Variants in AAK1 observed in about 807,000 individuals in gnomAD.
The protein encoded by AAK1 is AP2-associated protein kinase 1.
AAK1 carries 37 observed loss-of-function variants against 116.0 expected under a neutral mutation model. The ratio of observed to expected loss-of-function variants is 0.32; its 90% CI spans 0.25 to 0.42. The LOEUF (loss-of-function observed/expected upper bound fraction) is 0.42, where lower values mean the gene tolerates loss of function less well. Ranked by LOEUF, AAK1 falls within the 10% of genes least tolerant of loss-of-function variation. The pLI, the probability that AAK1 is intolerant of heterozygous loss-of-function variation, is 1.00. For synonymous variants in AAK1, 458 were observed against 439.9 expected, an observed-to-expected ratio of 1.04 and a Z score of -0.51; for missense variants, 919 against 1,170.6, an observed-to-expected ratio of 0.79 and a Z score of 3.14.
chr2:69,564,270 C>T lies in AAK1; in HGVS notation c.164-7292G>A, dbSNP rs140532224. 6.6e-5 allele frequency among the ~76,000 whole-genome samples: 10 copies of T among 152,160 alleles called. No homozygotes were observed. The East Asian group carries it at 1.9e-3, about 29-fold the overall frequency. On this transcript the variant is annotated intron_variant, in intron 2 of 21. Transcript: ENST00000409085. ...TGCTACTATTTAAACTGGGTTCCTC[C>T]AAGCCCTAGGATTACAGAAGGTACT... is the stretch of plus-strand genomic sequence containing the variant.
chr2:69,565,432 G>A (rs1309980226), intron 2 of AAK1, among the ~76,000 whole-genome samples: 1 of 152,246 alleles, frequency 6.6e-6, no homozygotes, highest in Non-Finnish European at 1.5e-5. Flanking sequence ...GAAGTCAGCA[G>A]GTCATGTACT....
intron 2 of AAK1, among the ~76,000 whole-genome samples, chr2:69,641,499 A>T (rs1466568489): frequency 1.3e-5 from 2 of 152,238 alleles, no homozygotes; most frequent in Non-Finnish European, 2.9e-5. Flanking sequence ...CAGCTAGAAC[A>T]GTACTGAGAT....
At chr2:69,573,684 T>G (rs1185837175) in intron 2 of AAK1, among the ~76,000 whole-genome samples, 1 of 152,126 alleles carries the variant, frequency 6.6e-6, no homozygotes, top group Non-Finnish European at 1.5e-5. Context: ...TAACCTGAAA[T>G]ATCCACAAAG....
At chr2:69,543,077 G>A (rs1245561483) in intron 4 of AAK1, among the ~76,000 whole-genome samples, 1 of 152,178 alleles carries the variant, frequency 6.6e-6, no homozygotes, top group Non-Finnish European at 1.5e-5. Context: ...GCAGGAAGAA[G>A]ATGGTTTTAT....
intron 2 of AAK1, among the ~76,000 whole-genome samples, chr2:69,633,035 TAA>T (rs200796880): frequency 7.3e-6 from 1 of 137,120 alleles, no homozygotes; most frequent in African/African-American, 2.8e-5. Context: ...TCCGTCTCAA[TAA>T]AAAAAATAAA....
At chr2:69,515,293 C>G (rs1023439773) in intron 12 of AAK1, among the ~76,000 whole-genome samples, 1 of 152,126 alleles carries the variant, frequency 6.6e-6, no homozygotes, top group Non-Finnish European at 1.5e-5. Flanking sequence ...CTTAAACATT[C>G]AAAATAGCCA....
chr2:69,564,797 C>T (rs1671794929), intron 2 of AAK1, among the ~76,000 whole-genome samples: 1 of 152,182 alleles, frequency 6.6e-6, no homozygotes, highest in African/African-American at 2.4e-5. Flanking sequence ...GCCCCTAGGT[C>T]ATAGTCCTTC....
chr2:69,490,546 A>G lies in AAK1; in HGVS notation c.2365+5439T>C, dbSNP rs530479794. The stretch of plus-strand genomic sequence containing the variant: ...ACCTTAAGGATATGATACTAAATGA[A>G]ATAAGCCAGTCACAAAAGGACAAAT... On this transcript the variant is annotated intron_variant, in intron 17 of 21. Coordinates refer to ENST00000409085, the MANE Select transcript of AAK1 (RefSeq NM_014911.5). Among the ~76,000 whole-genome samples the G allele has an allele frequency of 7.2e-5, 11 of 152,308 alleles. No homozygotes were observed. In the South Asian group the frequency reaches 2.3e-3, roughly 32 times the overall value.
chr2:69,468,907 T>C lies in AAK1; in HGVS notation c.*6962A>G. On this transcript the variant is annotated 3_prime_UTR_variant, in exon 22 of 22. Coordinates refer to ENST00000409085, the MANE Select transcript of AAK1 (RefSeq NM_014911.5). Reference sequence around the variant, plus strand: ...GAAAACCTTCCAACTCAGAGCATATTCTATGACCTTCATGATGAGTACTGG... The same window carrying C: ...GAAAACCTTCCAACTCAGAGCATATCCTATGACCTTCATGATGAGTACTGG... 1.0e-6 allele frequency: 1 copy of C among 985,432 alleles called. No individual in the cohort carries two copies. The highest frequency in any genetic ancestry group is 1.2e-6 in the Non-Finnish European group (1 of 829,930). The allele number at this position is 985,432 out of a possible 1,614,324, so 61.0% of individuals were successfully genotyped here.
chr2:69,543,700 C>T (rs1670816235), intron 4 of AAK1, among the ~76,000 whole-genome samples: 1 of 152,182 alleles, frequency 6.6e-6, no homozygotes, highest in Non-Finnish European at 1.5e-5. Flanking sequence ...GCCACCGCGC[C>T]CGGCCTATGG....
In AAK1 at chr2:69,466,991, T is replaced by A; in HGVS notation, c.*8878A>T. ...CAATTCAGAATCTGGCATGTGGTCA[T>A]CCGCGCCACATGCAGAGGGACAAAC... On this transcript the variant is annotated 3_prime_UTR_variant, in exon 22 of 22. Transcript: ENST00000409085. The A allele has an allele frequency of 1.0e-6, 1 of 985,390 alleles. No homozygotes were observed. 61.0% of individuals were successfully genotyped at this position (985,390 alleles called of 1,614,324 possible). A position where few individuals can be genotyped will look rare whatever the true frequency, so the allele number is the denominator to read the frequency against.
intron 2 of AAK1, among the ~76,000 whole-genome samples, chr2:69,564,601 G>A (rs149229941): frequency 2.0e-5 from 3 of 151,960 alleles, no homozygotes; most frequent in African/African-American, 7.2e-5. Flanking sequence ...TAGGGAAGGA[G>A]CTATGCCCCG....
At chr2:69,529,460 T>C (rs1670155405) in intron 8 of AAK1, among the ~76,000 whole-genome samples, 1 of 152,226 alleles carries the variant, frequency 6.6e-6, no homozygotes, top group African/African-American at 2.4e-5. Context: ...TTAGTACATA[T>C]GCTTGCTATG....
At chr2:69,616,569 T>C (rs1431086466) in intron 2 of AAK1, among the ~76,000 whole-genome samples, 1 of 152,206 alleles carries the variant, frequency 6.6e-6, no homozygotes, top group Non-Finnish European at 1.5e-5. Context: ...GACTGTATAA[T>C]TCCCTGTTAT....
At chr2:69,487,397 A>G (rs1282145077) in intron 17 of AAK1, among the ~76,000 whole-genome samples, 2 of 152,208 alleles carry the variant, frequency 1.3e-5, no homozygotes, top group Non-Finnish European at 2.9e-5. Context: ...ATGGAGAAGA[A>G]CAGCACAGAG....
chr2:69,479,787 G>A (rs1029705489), intron 19 of AAK1, among the ~76,000 whole-genome samples: 3 of 152,126 alleles, frequency 2.0e-5, no homozygotes, highest in South Asian at 2.1e-4. Flanking sequence ...ACGGAGTCTC[G>A]CTCCAGCTCC....
chr2:69,475,919 G>A lies in AAK1; in HGVS notation c.2836C>T (p.Pro946Ser). ...NSSGSSESSLPNLARSLLLVD... is the reference protein window; with the variant it reads ...NSSGSSESSLSNLARSLLLVD... The stretch of plus-strand genomic sequence containing the variant: ...AGCAGTAAAGACCTGGCTAGGTTGG[G>A]AAGACTGGACTCAGAGCTCCCACTG... The change falls in exon 22 of 22, where the codon CCC becomes TCC. Residue 946 changes from proline to serine, a missense_variant. By Grantham distance (74) the Pro-to-Ser change is moderately conservative (BLOSUM62 -1). Around this residue, in one of 4 missense-constraint regions of AAK1, gnomAD observed 263 missense variants for 285.5 expected, o/e 0.92. Transcript: ENST00000409085. The A allele has an allele frequency of 6.2e-7, 1 of 1,612,666 alleles. No individual in the cohort carries two copies. The highest frequency in any genetic ancestry group is 8.5e-7 in the Non-Finnish European group (1 of 1,179,446).
chr2:69,596,585 T>C (rs1351631964), intron 2 of AAK1, among the ~76,000 whole-genome samples: 1 of 152,216 alleles, frequency 6.6e-6, no homozygotes, highest in Non-Finnish European at 1.5e-5. Flanking sequence ...CTGCCACAGA[T>C]AGAGGCTCCT....
Position 69,480,870 on chromosome 2 carries a change from C to G in AAK1, c.2559G>C (p.Ser853=), listed in dbSNP as rs370923112. ...RLPSQTESVT[S]NRTDSLTGED... ...AGACACCTGACTGACCTGTGCGATT[C>G]GAGGTCACAGATTCCGTCTGAGATG... The change falls in exon 19 of 22, where the codon TCG becomes TCC. Residue 853 remains serine, a synonymous_variant. Coordinates refer to ENST00000409085, the MANE Select transcript of AAK1 (RefSeq NM_014911.5). 5.0e-6 allele frequency: 8 copies of G among 1,597,118 alleles called. No homozygotes were observed. The South Asian group carries it at 8.0e-5, about 16-fold the overall frequency.
Sources: allele counts gnomAD v4.1 joint callset (sites outside exome capture counted in the v4.1 genomes callset), GRCh38; gene constraint gnomAD v4.1.1; regional missense constraint gnomAD v4.1.1; transcripts MANE v1.5; gene names NCBI Gene and HGNC (gene_info 2026-07-23, HGNC 2026-07-21).